Variants in SUGCT observed in about 807,000 individuals in gnomAD.
SUGCT encodes succinyl-CoA:glutarate CoA-transferase.
Under a neutral mutation model 55.0 loss-of-function variants are expected in SUGCT, and 41 were observed. The observed-to-expected ratio is 0.74, with a 90% CI of 0.58 to 0.97. The LOEUF (loss-of-function observed/expected upper bound fraction) is 0.97. SUGCT is among the 50% of genes least tolerant of loss of function. The probability of loss-of-function intolerance (pLI) is 0.00; values close to 1 mark genes in which losing one functional copy is unlikely to be tolerated. For synonymous variants in SUGCT, 187 were observed against 200.4 expected (o/e 0.93, Z 0.56); for missense variants, 568 against 547.8 (o/e 1.04, Z -0.37).
the SUGCT span, among the ~76,000 whole-genome samples, chr7:41,025,351 G>A: frequency 6.6e-6 from 1 of 151,780 alleles, no homozygotes. Context: ...TATTTTCCAT[G>A]TTTGAAAGAG....
At chr7:40,259,296 C>G (rs1184491264) in intron 7 of SUGCT, among the ~76,000 whole-genome samples, 1 of 152,136 alleles carries the variant, frequency 6.6e-6, no homozygotes, top group African/African-American at 2.4e-5. Context: ...TGAATTTGAG[C>G]TGTGCGGGCC....
chr7:40,154,315 G>GAGTGT (rs1783775690), intron 1 of SUGCT, among the ~76,000 whole-genome samples: 1 of 151,364 alleles, frequency 6.6e-6, no homozygotes, highest in South Asian at 2.1e-4. Flanking sequence ...CAAAAGATGT[G>GAGTGT]AATGTAATGT....
chr7:40,945,226 A>C, the SUGCT span, among the ~76,000 whole-genome samples: 1 of 152,054 alleles, frequency 6.6e-6, no homozygotes, highest in Non-Finnish European at 1.5e-5. Flanking sequence ...TTAGGGGGAA[A>C]GGAAGAAGCC....
chr7:40,986,599 C>T, the SUGCT span, among the ~76,000 whole-genome samples: 13 of 152,292 alleles, frequency 8.5e-5, no homozygotes, highest in Non-Finnish European at 1.5e-4. Flanking sequence ...TCTCTTCTGA[C>T]GTGTGCTGTA....
At position 40,750,234 on chromosome 7, in the gene SUGCT, T is replaced by C. The variant is rs181446084; in HGVS notation, c.1153+737T>C. On this transcript the variant is annotated intron_variant, in intron 13 of 13. Coordinates refer to ENST00000335693, the MANE Select transcript of SUGCT (RefSeq NM_001193313.2). ...TTTCTCTGATAATCACAATATTACC[T>C]TTATCAGATATGTTTTTTCTCTATT... 1.6e-3 allele frequency among the ~76,000 whole-genome samples: 248 copies of C among 152,306 alleles called. 2 individuals carry two copies. The highest frequency in any genetic ancestry group is 5.7e-3 in the African/African-American group (236 of 41,576).
At chr7:40,767,125 G>T (rs572786439) in intron 13 of SUGCT, among the ~76,000 whole-genome samples, 1 of 152,134 alleles carries the variant, frequency 6.6e-6, no homozygotes, top group East Asian at 1.9e-4. Context: ...TCTATCTTTT[G>T]CAAAGGAAGA....
intron 12 of SUGCT, chr7:40,499,179 T>G (rs1231943898): frequency 2.2e-6 from 1 of 455,092 alleles, no homozygotes; most frequent in Non-Finnish European, 4.4e-6. Flanking sequence ...GGAAATTGCT[T>G]TGGGTGAAGT....
At chr7:40,293,443 G>A (rs1793917850) in intron 8 of SUGCT, among the ~76,000 whole-genome samples, 1 of 152,092 alleles carries the variant, frequency 6.6e-6, no homozygotes. Flanking sequence ...TGTGTACTGA[G>A]GTTTTAAAAA....
chr7:40,347,744 G>C (rs371920938), intron 9 of SUGCT, among the ~76,000 whole-genome samples: 5 of 152,150 alleles, frequency 3.3e-5, no homozygotes, highest in Admixed American at 1.3e-4. Flanking sequence ...CAATTTGCTA[G>C]CTTTATTAAT....
At chr7:40,557,652 A>G (rs1795620577) in intron 12 of SUGCT, among the ~76,000 whole-genome samples, 1 of 152,042 alleles carries the variant, frequency 6.6e-6, no homozygotes, top group Non-Finnish European at 1.5e-5. Flanking sequence ...ATGTGCCTGT[A>G]GTCCCAGCTA....
chr7:40,740,283 A>G (rs1198201415), intron 12 of SUGCT, among the ~76,000 whole-genome samples: 1 of 152,082 alleles, frequency 6.6e-6, no homozygotes, highest in Non-Finnish European at 1.5e-5. Context: ...GAAGTCATTT[A>G]TTAGTCCTAA....
chr7:40,823,297 T>C (rs1202879783), intron 13 of SUGCT, among the ~76,000 whole-genome samples: 2 of 152,160 alleles, frequency 1.3e-5, no homozygotes, highest in African/African-American at 4.8e-5. Flanking sequence ...GGTGTTGGGT[T>C]CTGACACTGA....
chr7:40,416,156 C>A (rs1024810818), intron 9 of SUGCT, among the ~76,000 whole-genome samples: 1 of 151,782 alleles, frequency 6.6e-6, no homozygotes, highest in Non-Finnish European at 1.5e-5. Context: ...AATTTTACAA[C>A]AAAATAGAGG....
chr7:40,816,499 T>A (rs1791677976), intron 13 of SUGCT, among the ~76,000 whole-genome samples: 1 of 152,188 alleles, frequency 6.6e-6, no homozygotes, highest in South Asian at 2.1e-4. Context: ...GCCTCTCTCA[T>A]GTACTGGGGT....
At chr7:40,953,678 C>T in the SUGCT span, among the ~76,000 whole-genome samples, 1 of 152,220 alleles carries the variant, frequency 6.6e-6, no homozygotes, top group Non-Finnish European at 1.5e-5. Context: ...ACAGTCAGGA[C>T]CCTCAGCTGC....
chr7:40,339,458 T>C (rs1796921161), intron 9 of SUGCT, among the ~76,000 whole-genome samples: 1 of 152,060 alleles, frequency 6.6e-6, no homozygotes, highest in African/African-American at 2.4e-5. Flanking sequence ...GGCGCCCCTC[T>C]CCTAGCCTCA....
intron 12 of SUGCT, among the ~76,000 whole-genome samples, chr7:40,687,477 A>T (rs1307307832): frequency 3.3e-5 from 5 of 152,102 alleles, no homozygotes; most frequent in African/African-American, 1.2e-4. Flanking sequence ...TCAGTAGTTG[A>T]TGGTCTAGTC....
rs147135855 is a variant in SUGCT, at chr7:40,852,944, A to T, written c.1154-7372A>T. ...TTGGGTTTAATAAGTGCTTATTTTG[A>T]GGGGAGGACCAACAGCTTTTATCAG... On this transcript the variant is annotated intron_variant, in intron 13 of 13. Coordinates refer to ENST00000335693, the MANE Select transcript of SUGCT (RefSeq NM_001193313.2). Among the ~76,000 whole-genome samples, 846 of 152,222 alleles carry T rather than the reference A, an allele frequency of 5.6e-3. 7 individuals carry two copies. The highest frequency in any genetic ancestry group is 0.019 in the African/African-American group (800 of 41,546).
chr7:40,726,026 C>G (rs1786595174), intron 12 of SUGCT, among the ~76,000 whole-genome samples: 5 of 152,086 alleles, frequency 3.3e-5, no homozygotes, highest in Admixed American at 3.3e-4. Flanking sequence ...GCCCTGGCAC[C>G]AGGCTGCCCC....
Sources: allele counts gnomAD v4.1 joint callset (sites outside exome capture counted in the v4.1 genomes callset), GRCh38; gene constraint gnomAD v4.1.1; transcripts MANE v1.5; gene names NCBI Gene and HGNC (gene_info 2026-07-23, HGNC 2026-07-21).